The following PPP2R3A variants were observed in gnomAD, a reference collection of about 807,000 sequenced individuals.
The protein encoded by PPP2R3A is serine/threonine-protein phosphatase 2A regulatory subunit B'' subunit alpha.
PPP2R3A carries 80 observed loss-of-function variants against 106.9 expected under a neutral mutation model. The ratio of observed to expected loss-of-function variants is 0.75; its 90% CI spans 0.62 to 0.90. The LOEUF (loss-of-function observed/expected upper bound fraction) is 0.90. Among genes scored for constraint, PPP2R3A ranks in the 40% least tolerant of loss-of-function variants. The probability of loss-of-function intolerance (pLI) is 0.00; values close to 1 mark genes in which losing one functional copy is unlikely to be tolerated. For missense variants in PPP2R3A, 1,386 were observed against 1,350.4 expected, an observed-to-expected ratio of 1.03 and a Z score of -0.41; for synonymous variants, 483 against 468.3, an observed-to-expected ratio of 1.03 and a Z score of -0.41.
At chr3:136,062,717 CAAAA>C (rs34662666) in intron 5 of PPP2R3A, among the ~76,000 whole-genome samples, 5 of 114,498 alleles carry the variant, frequency 4.4e-5, no homozygotes, top group Non-Finnish European at 3.7e-5. Context: ...GACTCCATCT[CAAAA>C]AAAAAAAAAA....
At chr3:136,139,650 G>A (rs1343679399) in intron 13 of PPP2R3A, among the ~76,000 whole-genome samples, 3 of 143,580 alleles carry the variant, frequency 2.1e-5, no homozygotes, top group Non-Finnish European at 3.0e-5. Context: ...CCGAGATCAC[G>A]CCACTGCCCT....
rs1355894826 is a variant in PPP2R3A at position 136,002,879 on chromosome 3, T to A, written c.1381T>A (p.Cys461Ser). ...AGAACATGCTACTCATCTTAAAAAA[T>A]GCCCCACCCCAATGCAAAATGAAAT... ...FPEHATHLKK[C>S]PTPMQNEIGK... The change falls in exon 2 of 14, where the codon TGC becomes AGC. Residue 461 changes from cysteine to serine, a missense_variant. By Grantham distance (112) the Cys-to-Ser change is moderately radical (BLOSUM62 -1). Transcript: ENST00000264977. 2 of 1,613,586 alleles carry A rather than the reference T, an allele frequency of 1.2e-6. No individual in the cohort carries two copies. Among genetic ancestry groups the A allele is most frequent in the African/African-American group, 1.3e-5 (1 of 74,908 alleles).
At chr3:135,978,600 AT>A (rs540063163) in intron 1 of PPP2R3A, among the ~76,000 whole-genome samples, 75 of 151,874 alleles carry the variant, frequency 4.9e-4, no homozygotes, top group Non-Finnish European at 8.8e-4. Context: ...TTGGCTTTTC[AT>A]TTATTGGTAA....
chr3:136,088,911 TCCTTTGCC>T (rs1252930271), intron 9 of PPP2R3A, among the ~76,000 whole-genome samples: 87 of 152,332 alleles, frequency 5.7e-4, no homozygotes, highest in African/African-American at 1.9e-3. Context: ...TCCGTTCATG[TCCTTTGCC>T]CATTTTTAAA....
Position 136,090,633 on chromosome 3 carries a change from T to C in PPP2R3A, c.2893T>C (p.Leu965=). The stretch of plus-strand genomic sequence containing the variant: ...GAGCTATGCAGATTTTGTTTGGTTT[T>C]TGATCTCTGAAGAAGACAAAAGGAA... ...RMSYADFVWF[L]ISEEDKRNPT... Residue 965 remains leucine (L), a synonymous_variant, in exon 10 of 14, where the codon TTG becomes CTG. Transcript: ENST00000264977. 6.2e-7 allele frequency: 1 copy of C among 1,613,632 alleles called. No individual in the cohort carries two copies. Among genetic ancestry groups the C allele is most frequent in the East Asian group, 2.2e-5 (1 of 44,838 alleles).
chr3:136,042,883 A>T (rs907539954), intron 4 of PPP2R3A, among the ~76,000 whole-genome samples: 1 of 152,176 alleles, frequency 6.6e-6, no homozygotes. Flanking sequence ...GGGAGCCCCA[A>T]GTGTGGCTAT....
At chr3:136,139,697 A>G (rs916154721) in intron 13 of PPP2R3A, among the ~76,000 whole-genome samples, 5 of 150,456 alleles carry the variant, frequency 3.3e-5, no homozygotes, top group South Asian at 2.1e-4. Flanking sequence ...ATCTCAAAAA[A>G]AAAAAAAAAA....
chr3:136,107,431 C>CTTTT (rs11324496), intron 13 of PPP2R3A, among the ~76,000 whole-genome samples: 3 of 71,418 alleles, frequency 4.2e-5, no homozygotes, highest in Non-Finnish European at 7.6e-5. Flanking sequence ...TACATGAATT[C>CTTTT]TTTTTTTTTT....
Position 136,145,029 on chromosome 3 carries a change from CTTTGT to C in PPP2R3A, c.3330-12_3330-8del, listed in dbSNP as rs572110227. Reference sequence around the variant, plus strand: ...CAATCAATCAGTTAATTCACTTTTGCTTTGTTATTTCAGCTTTGAAGATTATGAAA... The same window carrying C: ...CAATCAATCAGTTAATTCACTTTTGCTATTTCAGCTTTGAAGATTATGAAA... On this transcript the variant is annotated splice_polypyrimidine_tract_variant and intron_variant, in intron 13 of 13. Coordinates refer to ENST00000264977, the MANE Select transcript of PPP2R3A (RefSeq NM_002718.5). 8,632 of 1,602,908 alleles carry C rather than the reference CTTTGT, an allele frequency of 5.4e-3. 42 individuals are homozygous for C. Among genetic ancestry groups the C allele is most frequent in the Non-Finnish European group, 6.4e-3 (7,481 of 1,175,644 alleles).
intron 4 of PPP2R3A, among the ~76,000 whole-genome samples, chr3:136,044,888 T>G (rs1410174230): frequency 6.6e-6 from 1 of 152,170 alleles, no homozygotes; most frequent in African/African-American, 2.4e-5. Flanking sequence ...ACAGCCACCA[T>G]GGACGTTTGA....
At chr3:136,136,724 C>T (rs938535919) in intron 13 of PPP2R3A, among the ~76,000 whole-genome samples, 5 of 152,182 alleles carry the variant, frequency 3.3e-5, no homozygotes, top group African/African-American at 1.2e-4. Context: ...AGGATATCTA[C>T]AGTAGTCCAG....
intron 2 of PPP2R3A, among the ~76,000 whole-genome samples, chr3:136,025,665 CAGA>C: frequency 6.6e-6 from 1 of 151,932 alleles, no homozygotes; most frequent in South Asian, 2.1e-4. Context: ...ATATTTCTTA[CAGA>C]TATATCATTG....
chr3:136,022,979 C>A, intron 2 of PPP2R3A: 1 of 1,572,718 alleles, frequency 6.4e-7, no homozygotes, highest in East Asian at 2.3e-5. Flanking sequence ...GAAAAAATAC[C>A]TTCCTACCTG....
At chr3:135,985,389 TCCC>T (rs1937597311) in intron 1 of PPP2R3A, among the ~76,000 whole-genome samples, 1 of 145,256 alleles carries the variant, frequency 6.9e-6, no homozygotes, top group Non-Finnish European at 1.5e-5. Context: ...TCTCCCTCTC[TCCC>T]TCTCTCCCTC....
intron 1 of PPP2R3A, among the ~76,000 whole-genome samples, chr3:135,998,587 T>TACAC (rs146624320): frequency 1.1e-4 from 17 of 151,866 alleles, no homozygotes; most frequent in African/African-American, 4.1e-4. Context: ...AAAGTATATG[T>TACAC]ACACACACAC....
chr3:136,112,398 C>A (rs1044865188), intron 13 of PPP2R3A, among the ~76,000 whole-genome samples: 1 of 152,168 alleles, frequency 6.6e-6, no homozygotes, highest in Non-Finnish European at 1.5e-5. Context: ...CCCATAGTAT[C>A]TACCCAAAGG....
intron 2 of PPP2R3A, among the ~76,000 whole-genome samples, chr3:136,016,742 T>G (rs1934281960): frequency 6.6e-6 from 1 of 152,196 alleles, no homozygotes; most frequent in South Asian, 2.1e-4. Context: ...CAGCAGATAC[T>G]TGGTTGGTAA....
intron 3 of PPP2R3A, among the ~76,000 whole-genome samples, chr3:136,034,689 C>A (rs1184787928): frequency 1.3e-5 from 2 of 152,112 alleles, no homozygotes; most frequent in Non-Finnish European, 2.9e-5. Context: ...GAATAGAATG[C>A]ATATTCTGCA....
chr3:136,041,238 GT>G lies in PPP2R3A; in HGVS notation c.2366+287del, dbSNP rs67116006. Among the ~76,000 whole-genome samples, 8 of 92,936 alleles carry G rather than the reference GT, an allele frequency of 8.6e-5. 1 individual carries two copies. The highest frequency in any genetic ancestry group is 4.5e-5 in the African/African-American group (1 of 22,200). 61.0% of individuals were successfully genotyped at this position (92,936 alleles called of 152,430 possible). On this transcript the variant is annotated intron_variant, in intron 4 of 13. Coordinates refer to ENST00000264977, the MANE Select transcript of PPP2R3A (RefSeq NM_002718.5). ...TTATTAGTTTTACTTGGTTTTTCTT[GT>G]TTTTTTTTTTGTTTTTTTTTTTGTT...
Sources: allele counts gnomAD v4.1 joint callset (sites outside exome capture counted in the v4.1 genomes callset), GRCh38; gene constraint gnomAD v4.1.1; transcripts MANE v1.5; gene names NCBI Gene and HGNC (gene_info 2026-07-23, HGNC 2026-07-21).